GOLGA8B: variants seen among roughly 807,000 people sequenced by gnomAD.
GOLGA8B encodes the protein golgin A8 family member B.
GOLGA8B carries 1 observed loss-of-function variant against 15.6 expected under a neutral mutation model. The ratio of observed to expected loss-of-function variants is 0.06; its 90% CI spans 0.02 to 0.30. GOLGA8B has a LOEUF of 0.30. Among genes scored for constraint, GOLGA8B ranks in the 10% least tolerant of loss-of-function variants. GOLGA8B has a pLI of 1.00. For missense variants in GOLGA8B, 17 were observed against 201.3 expected (o/e 0.08, Z 5.54); for synonymous variants, 9 against 80.3 (o/e 0.11, Z 4.75).
intron 1 of GOLGA8B, among the ~76,000 whole-genome samples, chr15:34,575,637 G>T (rs3893823): frequency 0.51 from 75,868 of 150,168 alleles, 18,859 homozygotes; most frequent in Admixed American, 0.58. Flanking sequence ...ACTCCAGGCT[G>T]GCCCTTCTGC....
intron 1 of GOLGA8B, among the ~76,000 whole-genome samples, chr15:34,564,095 C>T (rs189737996): frequency 0.078 from 10,841 of 138,620 alleles, 35 homozygotes; most frequent in South Asian, 0.2. Flanking sequence ...GAGACATTTT[C>T]GGTTGTCACA....
chr15:34,569,292 A>T (rs1165592743), intron 1 of GOLGA8B, among the ~76,000 whole-genome samples: 1 of 146,930 alleles, frequency 6.8e-6, no homozygotes, highest in Non-Finnish European at 1.5e-5. Flanking sequence ...AGCAGATGGG[A>T]AGACGACAAA....
chr15:34,543,245 G>A (rs1280374423), intron 7 of GOLGA8B, among the ~76,000 whole-genome samples: 2 of 132,148 alleles, frequency 1.5e-5, no homozygotes, highest in African/African-American at 5.7e-5. Flanking sequence ...GTAGTGGCAC[G>A]AACCTGCAGC....
rs1171808517 is a variant in GOLGA8B, at chr15:34,525,957, G to A, written c.*1675C>T. 1.3e-5 allele frequency: 2 copies of A among 149,094 alleles called. No homozygotes were observed. Among genetic ancestry groups the A allele is most frequent in the Non-Finnish European group, 3.0e-5 (2 of 67,054 alleles). 9.2% of individuals were successfully genotyped at this position (149,094 alleles called of 1,614,324 possible). On this transcript the variant is annotated 3_prime_UTR_variant, in exon 24 of 24. Coordinates refer to ENST00000683415, the MANE Select transcript of GOLGA8B (RefSeq NM_001023567.5). The stretch of plus-strand genomic sequence containing the variant: ...TCCCTACAACCTAATAATGTGATGT[G>A]TTTTGGAACACAGACATTAGAACTT...
chr15:34,556,863 C>G (rs1888502061), intron 1 of GOLGA8B: 1 of 740,150 alleles, frequency 1.4e-6, no homozygotes, highest in Non-Finnish European at 2.2e-6. Flanking sequence ...GGCCCTAGAG[C>G]AAGGGACCTC....
intron 1 of GOLGA8B, among the ~76,000 whole-genome samples, chr15:34,572,319 T>C (rs1376869514): frequency 1.3e-5 from 2 of 152,228 alleles, no homozygotes; most frequent in East Asian, 3.8e-4. Context: ...TAGGAATCTA[T>C]GCTACGAAAA....
chr15:34,583,071 A>G (rs1889289297), intron 1 of GOLGA8B, among the ~76,000 whole-genome samples: 1 of 151,982 alleles, frequency 6.6e-6, no homozygotes, highest in South Asian at 2.1e-4. Context: ...CCCAGAGGCG[A>G]CCCCAAACTC....
chr15:34,567,895 G>A (rs1178146886), intron 1 of GOLGA8B, among the ~76,000 whole-genome samples: 1 of 151,088 alleles, frequency 6.6e-6, no homozygotes, highest in Non-Finnish European at 1.5e-5. Context: ...CCACTGAGAT[G>A]AAAAGCCACT....
intron 1 of GOLGA8B, among the ~76,000 whole-genome samples, chr15:34,571,582 A>T (rs1271401924): frequency 6.7e-6 from 1 of 149,290 alleles, no homozygotes; most frequent in African/African-American, 2.5e-5. Context: ...GAGAGGTCAA[A>T]GTGGCTGACT....
intron 1 of GOLGA8B, among the ~76,000 whole-genome samples, chr15:34,573,717 T>G (rs961021357): frequency 6.0e-4 from 92 of 152,176 alleles, no homozygotes; most frequent in Middle Eastern, 3.4e-3. Flanking sequence ...AATTCTTCCT[T>G]CCAGCTCAAC....
chr15:34,557,690 A>C (rs1595704108), intron 1 of GOLGA8B, among the ~76,000 whole-genome samples: 2 of 72,240 alleles, frequency 2.8e-5, no homozygotes, highest in Admixed American at 3.2e-4. Flanking sequence ...GTGTCTGTGT[A>C]CTGAGAGCTT....
intron 4 of GOLGA8B, among the ~76,000 whole-genome samples, chr15:34,548,407 GAGA>G (rs1452555567): frequency 2.6e-5 from 4 of 151,082 alleles, no homozygotes; most frequent in African/African-American, 9.7e-5. Context: ...GTTCAAGAAA[GAGA>G]AGATCTTAAG....
rs574625176 is a variant in GOLGA8B, at chr15:34,564,628, A to G, written c.-1122-10672T>C. Among the ~76,000 whole-genome samples the G allele has an allele frequency of 6.8e-4, 100 of 146,066 alleles. 4 individuals are homozygous for G. Among genetic ancestry groups the G allele is most frequent in the African/African-American group, 2.0e-3 (82 of 40,886 alleles). ...TCGGAACAAAGATCTGTGTCTCTGC[A>G]CTGACCAAATAGAAGGTATGTGAAT... On this transcript the variant is annotated intron_variant, in intron 1 of 23. Coordinates refer to ENST00000683415, the MANE Select transcript of GOLGA8B (RefSeq NM_001023567.5).
rs1285279745 is a variant in GOLGA8B at position 34,526,481 on chromosome 15, C to T, written c.*1151G>A. On this transcript the variant is annotated 3_prime_UTR_variant, in exon 24 of 24. Transcript: ENST00000683415. ...GCCAGAGAGGTCTAGATAGTAAAAT[C>T]AAACTTCAAGCCTCAAAGAAGCTCC... 1 of 148,698 alleles carries T rather than the reference C, an allele frequency of 6.7e-6. No individual in the cohort carries two copies. Among genetic ancestry groups the T allele is most frequent in the Non-Finnish European group, 1.5e-5 (1 of 67,100 alleles). The allele number at this position is 148,698 out of a possible 1,614,324, so 9.2% of individuals were successfully genotyped here. A position where few individuals can be genotyped will look rare whatever the true frequency, so the allele number is the denominator to read the frequency against.
chr15:34,569,586 G>C (rs1238019636), intron 1 of GOLGA8B, among the ~76,000 whole-genome samples: 1 of 151,858 alleles, frequency 6.6e-6, no homozygotes, highest in East Asian at 1.9e-4. Context: ...AAAGGCACTA[G>C]GTTGGCTGCT....
chr15:34,567,954 C>G (rs1334578162), intron 1 of GOLGA8B, among the ~76,000 whole-genome samples: 1 of 151,520 alleles, frequency 6.6e-6, no homozygotes, highest in Non-Finnish European at 1.5e-5. Flanking sequence ...CCATCCCAAA[C>G]TGGAAGGAAG....
intron 1 of GOLGA8B, among the ~76,000 whole-genome samples, chr15:34,564,192 C>T (rs888336228): frequency 6.9e-6 from 1 of 144,756 alleles, no homozygotes; most frequent in African/African-American, 2.5e-5. Context: ...GAACCCTCCA[C>T]AAATTGTCTG....
intron 1 of GOLGA8B, among the ~76,000 whole-genome samples, chr15:34,569,182 A>G (rs1034149120): frequency 1.2e-4 from 18 of 146,864 alleles, no homozygotes; most frequent in Non-Finnish European, 2.6e-4. Context: ...GACAGCACAG[A>G]CAACTGTTCC....
At chr15:34,573,518 T>TA (rs1181418481) in intron 1 of GOLGA8B, among the ~76,000 whole-genome samples, 1 of 119,628 alleles carries the variant, frequency 8.4e-6, no homozygotes, top group Non-Finnish European at 1.6e-5. Flanking sequence ...GCCTGGGTGA[T>TA]AGAGTGAGAC....
Sources: gnomAD v4.1 joint callset for allele counts (sites outside exome capture counted in the v4.1 genomes callset) on GRCh38, gnomAD v4.1.1 for gene constraint, MANE v1.5 for transcripts, NCBI Gene and HGNC (gene_info 2026-07-23, HGNC 2026-07-21) for gene names.